The following CLASP1 variants were observed in gnomAD, a reference collection of about 807,000 sequenced individuals.
CLASP1 encodes the protein cytoplasmic linker associated protein 1.
In CLASP1, 38 loss-of-function variants were observed where a neutral mutation model predicts 192.3. The ratio of observed to expected loss-of-function variants is 0.20; its 90% CI spans 0.15 to 0.26. The LOEUF (loss-of-function observed/expected upper bound fraction) is 0.26. Among genes scored for constraint, CLASP1 ranks in the 10% least tolerant of loss-of-function variants. CLASP1 has a pLI of 1.00. For synonymous variants in CLASP1, 691 were observed against 712.8 expected (o/e 0.97, Z 0.49); for missense variants, 1,433 against 1,932.5 (o/e 0.74, Z 4.85).
chr2:121,593,718 A>AT lies in CLASP1; in HGVS notation c.195+11982dup, dbSNP rs552624023. On this transcript the variant is annotated intron_variant, in intron 2 of 39. Transcript: ENST00000263710. Reference sequence around the variant, plus strand: ...TGGATCATGAAACAGGATTAAAAAAATTTTTTTTTCGGCCAGGCGCAGTGG... The same window carrying AT: ...TGGATCATGAAACAGGATTAAAAAAATTTTTTTTTTCGGCCAGGCGCAGTGG... Among the ~76,000 whole-genome samples the AT allele has an allele frequency of 6.9e-3, 1,045 of 151,146 alleles. 13 individuals carry two copies. The highest frequency in any genetic ancestry group is 0.023 in the African/African-American group (960 of 41,218).
At chr2:121,642,437 T>G (rs566742744) in intron 1 of CLASP1, among the ~76,000 whole-genome samples, 1 of 149,798 alleles carries the variant, frequency 6.7e-6, no homozygotes, top group East Asian at 2.0e-4. Flanking sequence ...AAAATCTTCC[T>G]GTCAAAACTC....
At chr2:121,465,287 A>G (rs2089297216) in intron 9 of CLASP1, among the ~76,000 whole-genome samples, 2 of 152,198 alleles carry the variant, frequency 1.3e-5, no homozygotes, top group African/African-American at 4.8e-5. Flanking sequence ...TCTCAGCCCA[A>G]AATCTCCTCA....
chr2:121,483,388 A>G (rs1182111810), intron 8 of CLASP1, among the ~76,000 whole-genome samples: 2 of 152,316 alleles, frequency 1.3e-5, no homozygotes, highest in East Asian at 3.9e-4. Flanking sequence ...TTCTTACTTT[A>G]GGAATCTGAA....
At chr2:121,618,790 G>A (rs2066875559) in intron 1 of CLASP1, among the ~76,000 whole-genome samples, 4 of 152,092 alleles carry the variant, frequency 2.6e-5, no homozygotes, top group African/African-American at 9.7e-5. Flanking sequence ...ATACTAAGAA[G>A]ATGAAATAAT....
chr2:121,419,517 A>G (rs148375081), intron 22 of CLASP1, among the ~76,000 whole-genome samples: 1 of 152,304 alleles, frequency 6.6e-6, no homozygotes, highest in African/African-American at 2.4e-5. Flanking sequence ...CAATACTCTC[A>G]GTATTTGGGG....
At chr2:121,402,534 T>G in intron 26 of CLASP1, 1 of 509,262 alleles carries the variant, frequency 2.0e-6, no homozygotes, top group Admixed American at 2.0e-5. Context: ...AGCTGTGGGA[T>G]TCCTGGCTTC....
intron 2 of CLASP1, among the ~76,000 whole-genome samples, chr2:121,582,274 A>C (rs1329877454): frequency 6.6e-6 from 1 of 150,748 alleles, no homozygotes; most frequent in African/African-American, 2.4e-5. Flanking sequence ...AGGACAGGAA[A>C]GGGAGAGAGA....
chr2:121,601,491 C>T (rs555972926), intron 2 of CLASP1, among the ~76,000 whole-genome samples: 48 of 152,172 alleles, frequency 3.2e-4, no homozygotes, highest in African/African-American at 1.1e-3. Context: ...AGGCTAATCT[C>T]GAACTCCTGA....
At chr2:121,470,293 C>CCTTT (rs2090455739) in intron 8 of CLASP1, 1 of 261,760 alleles carries the variant, frequency 3.8e-6, no homozygotes, top group Non-Finnish European at 7.1e-6. Context: ...ACCATCCATG[C>CCTTT]TTTTTTTTTT....
intron 37 of CLASP1, among the ~76,000 whole-genome samples, chr2:121,361,823 T>C (rs183960679): frequency 7.2e-4 from 110 of 152,318 alleles, no homozygotes; most frequent in African/African-American, 2.5e-3. Flanking sequence ...TGTGAGTTAT[T>C]ATCACCATCA....
At chr2:121,572,296 C>CA (rs925777325) in intron 2 of CLASP1, among the ~76,000 whole-genome samples, 13 of 152,032 alleles carry the variant, frequency 8.6e-5, no homozygotes, top group Admixed American at 6.6e-4. Flanking sequence ...GGCATGGTGG[C>CA]GGGCACCTGT....
At chr2:121,509,070 G>C (rs2094032023) in intron 7 of CLASP1, among the ~76,000 whole-genome samples, 1 of 152,194 alleles carries the variant, frequency 6.6e-6, no homozygotes, top group African/African-American at 2.4e-5. Flanking sequence ...TTCCTTAATG[G>C]ATTTTAAAAA....
chr2:121,405,740 T>G (rs1336198777), intron 25 of CLASP1, among the ~76,000 whole-genome samples: 3 of 152,234 alleles, frequency 2.0e-5, no homozygotes, highest in Non-Finnish European at 4.4e-5. Flanking sequence ...AAACAGATTC[T>G]TGAGGAACAA....
intron 30 of CLASP1, among the ~76,000 whole-genome samples, chr2:121,388,340 G>A (rs2073715360): frequency 6.6e-6 from 1 of 152,170 alleles, no homozygotes; most frequent in South Asian, 2.1e-4. Context: ...GTTATCTTGT[G>A]AAGCCATACT....
chr2:121,556,312 C>T (rs1039559499), intron 2 of CLASP1, among the ~76,000 whole-genome samples: 5 of 152,030 alleles, frequency 3.3e-5, no homozygotes, highest in African/African-American at 1.2e-4. Context: ...AAAGGCAAGT[C>T]GTTATCATTT....
At chr2:121,530,250 T>A in exon 3 of CLASP1, 1 of 1,551,352 alleles carries the variant, frequency 6.4e-7, no homozygotes, top group Non-Finnish European at 8.7e-7. Flanking sequence ...AGCTCACCTG[T>A]GCCGATCTGC....
intron 8 of CLASP1, among the ~76,000 whole-genome samples, chr2:121,495,819 G>A (rs911525385): frequency 6.6e-6 from 1 of 152,118 alleles, no homozygotes; most frequent in African/African-American, 2.4e-5. Flanking sequence ...GCAACTGGAG[G>A]AGAATCTATT....
chr2:121,357,266 A>C lies in CLASP1; in HGVS notation c.4206+5906T>G, dbSNP rs188043242. ...TATCTGCTTTATGTAGAATTTTAAAAACTTGACAACAATTCTATTCAAAAT... is the reference window on the plus strand; with the variant it reads ...TATCTGCTTTATGTAGAATTTTAAACACTTGACAACAATTCTATTCAAAAT... On this transcript the variant is annotated intron_variant, in intron 37 of 39. Coordinates refer to ENST00000263710, the Ensembl canonical transcript of CLASP1. 1.4e-4 allele frequency among the ~76,000 whole-genome samples: 22 copies of C among 152,366 alleles called. 1 individual carries two copies. Among genetic ancestry groups the C allele is most frequent in the Admixed American group, 5.2e-4 (8 of 15,310 alleles).
chr2:121,626,579 TC>T (rs199635983), intron 1 of CLASP1, among the ~76,000 whole-genome samples: 1 of 137,462 alleles, frequency 7.3e-6, no homozygotes, highest in East Asian at 2.2e-4. Flanking sequence ...GAATTTTGAT[TC>T]CTTTTTTTTT....
Sources: allele counts gnomAD v4.1 joint callset (sites outside exome capture counted in the v4.1 genomes callset), GRCh38; gene constraint gnomAD v4.1.1; transcripts MANE v1.5; gene names NCBI Gene and HGNC (gene_info 2026-07-23, HGNC 2026-07-21).